The following CECR2 variants were observed in gnomAD, a reference collection of about 807,000 sequenced individuals.
The protein encoded by CECR2 is chromatin remodeling regulator CECR2.
A neutral mutation model predicts 154.5 loss-of-function variants in CECR2; 30 were observed. That is an observed-to-expected ratio of 0.19 (90% CI 0.15 to 0.26). The LOEUF is 0.26. CECR2 is among the 10% of genes least tolerant of loss of function. CECR2 has a pLI of 1.00. For missense variants in CECR2, 1,743 were observed against 1,829.3 expected, an observed-to-expected ratio of 0.95 and a Z score of 0.86; for synonymous variants, 725 against 683.7, an observed-to-expected ratio of 1.06 and a Z score of -0.94.
chr22:17,397,264 C>G (rs1346329615), intron 1 of CECR2, among the ~76,000 whole-genome samples: 8 of 151,990 alleles, frequency 5.3e-5, no homozygotes, highest in South Asian at 2.1e-4. Flanking sequence ...CTCAGCCTCT[C>G]GAGTAGCTAG....
chr22:17,419,540 AGAG>A, intron 1 of CECR2: 1 of 199,778 alleles, frequency 5.0e-6, no homozygotes, highest in South Asian at 8.9e-5. Flanking sequence ...AGGAAGAGGA[AGAG>A]GAAGAGGAGG....
At chr22:17,380,931 T>C (rs2146470041) in intron 1 of CECR2, among the ~76,000 whole-genome samples, 1 of 152,340 alleles carries the variant, frequency 6.6e-6, no homozygotes, top group South Asian at 2.1e-4. Context: ...ACAGAAAATG[T>C]GTTAAATTAA....
intron 1 of CECR2, among the ~76,000 whole-genome samples, chr22:17,440,554 T>C (rs866377851): frequency 2.0e-5 from 3 of 150,916 alleles, no homozygotes; most frequent in Admixed American, 1.3e-4. Context: ...CTTACACTTA[T>C]TATGATATCC....
chr22:17,410,937 T>C (rs1314754721), intron 1 of CECR2, among the ~76,000 whole-genome samples: 1 of 152,204 alleles, frequency 6.6e-6, no homozygotes, highest in Non-Finnish European at 1.5e-5. Flanking sequence ...AACTCATAGT[T>C]TTACAGATGA....
chr22:17,365,146 C>T (rs2062995327), upstream of CECR2, among the ~76,000 whole-genome samples: 1 of 151,662 alleles, frequency 6.6e-6, no homozygotes, highest in African/African-American at 2.4e-5. Flanking sequence ...ATTGCTTGAA[C>T]CCAGGAGGCA....
intron 1 of CECR2, among the ~76,000 whole-genome samples, chr22:17,376,082 G>A (rs527933130): frequency 1.3e-5 from 2 of 152,268 alleles, no homozygotes; most frequent in East Asian, 3.9e-4. Flanking sequence ...CAAAGAACAG[G>A]ATGTGAATTA....
chr22:17,407,470 G>A (rs1030973598), intron 1 of CECR2, among the ~76,000 whole-genome samples: 1 of 151,936 alleles, frequency 6.6e-6, no homozygotes, highest in Admixed American at 6.6e-5. Context: ...TGGCGGGCGC[G>A]TGTAATCCCA....
At chr22:17,505,087 G>A in intron 7 of CECR2, 71 bp downstream of exon 7, 1 of 1,448,912 alleles carries the variant, frequency 6.9e-7, no homozygotes. Flanking sequence ...GATTATTCAT[G>A]AGACCTTCCC....
intron 16 of CECR2, among the ~76,000 whole-genome samples, chr22:17,546,331 CA>C (rs990469039): frequency 2.6e-5 from 4 of 151,736 alleles, no homozygotes; most frequent in Non-Finnish European, 5.9e-5. Flanking sequence ...ACTAAAAATA[CA>C]AAAAATTAGC....
At chr22:17,501,181 C>T (rs1313883835) in intron 5 of CECR2, among the ~76,000 whole-genome samples, 1 of 152,094 alleles carries the variant, frequency 6.6e-6, no homozygotes, top group East Asian at 1.9e-4. Context: ...TATCACTAAG[C>T]CTATTGAAGT....
chr22:17,436,715 G>A (rs1260064001), intron 1 of CECR2, among the ~76,000 whole-genome samples: 4 of 152,250 alleles, frequency 2.6e-5, no homozygotes, highest in African/African-American at 9.6e-5. Context: ...GGAAGAGGTT[G>A]TATAAATAGC....
chr22:17,428,693 G>A (rs61298845), intron 1 of CECR2, among the ~76,000 whole-genome samples: 23,026 of 151,828 alleles, frequency 0.15, 1,770 homozygotes, highest in South Asian at 0.19. Context: ...GCCTGGGCTG[G>A]TCTCGAACTC....
At chr22:17,444,648 A>G (rs1262938259) in intron 1 of CECR2, among the ~76,000 whole-genome samples, 3 of 152,196 alleles carry the variant, frequency 2.0e-5, no homozygotes, top group Non-Finnish European at 2.9e-5. Context: ...ACCACCATCA[A>G]GATTTCTCAT....
intron 1 of CECR2, among the ~76,000 whole-genome samples, chr22:17,407,978 C>T (rs2054010704): frequency 6.6e-6 from 1 of 152,014 alleles, no homozygotes; most frequent in Non-Finnish European, 1.5e-5. Flanking sequence ...GACTAATAAT[C>T]TTGTCATCAG....
intron 9 of CECR2, among the ~76,000 whole-genome samples, chr22:17,527,977 C>T (rs1019821370): frequency 7.2e-5 from 11 of 152,220 alleles, no homozygotes; most frequent in South Asian, 6.2e-4. Context: ...ATTAGTCCCC[C>T]GCTATGGAGA....
chr22:17,366,239 A>G (rs1324289501), upstream of CECR2, among the ~76,000 whole-genome samples: 1 of 152,086 alleles, frequency 6.6e-6, no homozygotes, highest in Non-Finnish European at 1.5e-5. Context: ...GCTAGGCTGG[A>G]GTACAGTGGC....
intron 1 of CECR2, among the ~76,000 whole-genome samples, chr22:17,418,536 T>C (rs1355541194): frequency 6.6e-6 from 1 of 152,194 alleles, no homozygotes; most frequent in Non-Finnish European, 1.5e-5. Flanking sequence ...TCTGTTTCTG[T>C]TATAATTAGC....
chr22:17,370,635 G>T (rs2146435430), intron 1 of CECR2, among the ~76,000 whole-genome samples: 1 of 152,246 alleles, frequency 6.6e-6, no homozygotes, highest in South Asian at 2.1e-4. Flanking sequence ...CCGGGCGAGC[G>T]CGGAGGACGG....
intron 16 of CECR2, among the ~76,000 whole-genome samples, chr22:17,547,003 C>T (rs1423601744): frequency 1.5e-5 from 2 of 135,996 alleles, no homozygotes; most frequent in African/African-American, 5.6e-5. Context: ...CACGCCACTG[C>T]ACTCCAGCCT....
Sources: allele counts gnomAD v4.1 joint callset (sites outside exome capture counted in the v4.1 genomes callset), GRCh38; gene constraint gnomAD v4.1.1; transcripts MANE v1.5; gene names NCBI Gene and HGNC (gene_info 2026-07-23, HGNC 2026-07-21).